JAZF1: variants seen among roughly 807,000 people sequenced by gnomAD.
JAZF1 encodes JAZF zinc finger 1, also known as juxtaposed with another zinc finger protein 1.
Under a neutral mutation model 26.4 loss-of-function variants are expected in JAZF1, and 8 were observed. That is an observed-to-expected ratio of 0.30 (90% confidence interval 0.18 to 0.55). The LOEUF (loss-of-function observed/expected upper bound fraction) is 0.55. JAZF1 is among the 20% of genes least tolerant of loss of function. JAZF1 has a pLI of 0.94. For synonymous variants in JAZF1, 126 were observed against 122.3 expected, an observed-to-expected ratio of 1.03 and a Z score of -0.20; for missense variants, 199 against 322.0, an observed-to-expected ratio of 0.62 and a Z score of 2.92.
rs1554328474 is a variant in JAZF1, at chr7:27,845,711, A to AAAAAAAAAAAAAAAAAG, written c.386-4845_386-4844insCTTTTTTTTTTTTTTTT. Among the ~76,000 whole-genome samples the AAAAAAAAAAAAAAAAAG allele has an allele frequency of 5.8e-5, 8 of 137,668 alleles. 1 individual carries two copies. Among genetic ancestry groups the AAAAAAAAAAAAAAAAAG allele is most frequent in the African/African-American group, 1.7e-4 (6 of 35,396 alleles). The allele number at this position is 137,668 out of a possible 152,430, so 90.3% of individuals were successfully genotyped here. A position where few individuals can be genotyped will look rare whatever the true frequency, so the allele number is the denominator to read the frequency against. ...GACTCTGCCTCAAAAAAAAAAAAAA[A>AAAAAAAAAAAAAAAAAG]AAAGAAAAGAAAAAGAAAAAGAAAT... On this transcript the variant is annotated intron_variant, in intron 3 of 4. Transcript: ENST00000283928.
At chr7:28,158,270 T>C (rs543819422) in intron 1 of JAZF1, among the ~76,000 whole-genome samples, 2 of 151,514 alleles carry the variant, frequency 1.3e-5, no homozygotes, top group Admixed American at 6.6e-5. Flanking sequence ...CCATGGTCCA[T>C]AGGGGACTGA....
intron 3 of JAZF1, chr7:27,841,903 T>C (rs1025521330): frequency 6.6e-6 from 1 of 152,186 alleles, no homozygotes; most frequent in South Asian, 2.1e-4. Flanking sequence ...ATAGGAATTA[T>C]AGCACAACAT....
At chr7:28,087,500 A>T (rs575448115) in intron 1 of JAZF1, among the ~76,000 whole-genome samples, 1 of 152,316 alleles carries the variant, frequency 6.6e-6, no homozygotes, top group African/African-American at 2.4e-5. Flanking sequence ...GATTTAAAAA[A>T]AAATAGAGTA....
chr7:27,935,351 A>T (rs971107221), intron 2 of JAZF1, among the ~76,000 whole-genome samples: 1 of 152,260 alleles, frequency 6.6e-6, no homozygotes, highest in African/African-American at 2.4e-5. Context: ...CCATATTCAT[A>T]CACAAGAACA....
chr7:28,077,100 C>T (rs980108774), intron 1 of JAZF1, among the ~76,000 whole-genome samples: 2 of 152,146 alleles, frequency 1.3e-5, no homozygotes, highest in African/African-American at 2.4e-5. Context: ...ACGACACTTA[C>T]ATTGGAATCT....
At chr7:27,993,431 G>C (rs887669054) in intron 1 of JAZF1, among the ~76,000 whole-genome samples, 4 of 152,174 alleles carry the variant, frequency 2.6e-5, no homozygotes, top group African/African-American at 9.7e-5. Flanking sequence ...TCTTCACGGG[G>C]AAACGCAGTT....
chr7:28,045,001 G>A (rs1417090601), intron 1 of JAZF1, among the ~76,000 whole-genome samples: 5 of 152,162 alleles, frequency 3.3e-5, no homozygotes, highest in Admixed American at 1.3e-4. Context: ...GACACCAGGG[G>A]TCACCATCCT....
In JAZF1 at chr7:28,019,487, T is replaced by C. The variant is rs182389485; in HGVS notation, c.116-27506A>G. ...ATTTATTGAAGGCAGATCCTACAAA[T>C]TGCTCATAGATGGGACAGAACTCAC... On this transcript the variant is annotated intron_variant, in intron 1 of 4. Transcript: ENST00000283928. Among the ~76,000 whole-genome samples, 4 of 152,192 alleles carry C rather than the reference T, an allele frequency of 2.6e-5. No individual in the cohort carries two copies. The East Asian group carries it at 5.8e-4, about 22-fold the overall frequency.
chr7:28,158,146 C>T (rs545929122), intron 1 of JAZF1, among the ~76,000 whole-genome samples: 139 of 136,554 alleles, frequency 1.0e-3, no homozygotes, highest in African/African-American at 3.4e-3. Context: ...TGAAAACACG[C>T]GCGCACACAC....
At chr7:28,079,272 T>C (rs1454877151) in intron 1 of JAZF1, among the ~76,000 whole-genome samples, 3 of 152,144 alleles carry the variant, frequency 2.0e-5, no homozygotes, top group African/African-American at 7.2e-5. Flanking sequence ...GGATTACAGG[T>C]GTGAGCCAAC....
chr7:27,978,110 C>T (rs1785506288), intron 2 of JAZF1, among the ~76,000 whole-genome samples: 1 of 152,200 alleles, frequency 6.6e-6, no homozygotes, highest in Admixed American at 6.5e-5. Flanking sequence ...TAGGCAGTAG[C>T]AGCTCCTTGT....
chr7:27,958,172 T>C (rs78558884), intron 2 of JAZF1, among the ~76,000 whole-genome samples: 6,708 of 152,312 alleles, frequency 0.044, 155 homozygotes, highest in South Asian at 0.074. Context: ...GTAAGAAACA[T>C]TGAATGGATC....
chr7:28,056,153 G>C (rs1225433974), intron 1 of JAZF1, among the ~76,000 whole-genome samples: 1 of 151,290 alleles, frequency 6.6e-6, no homozygotes, highest in Non-Finnish European at 1.5e-5. Flanking sequence ...CTGAAGAGTA[G>C]ATAATAATAA....
intron 2 of JAZF1, among the ~76,000 whole-genome samples, chr7:27,952,554 T>C (rs561914279): frequency 1.3e-5 from 2 of 152,348 alleles, no homozygotes; most frequent in Admixed American, 6.5e-5. Context: ...GAAATACAGA[T>C]CTGGCTACAA....
intron 3 of JAZF1, among the ~76,000 whole-genome samples, chr7:27,849,358 T>C (rs1783087889): frequency 6.6e-6 from 1 of 152,252 alleles, no homozygotes. Flanking sequence ...GGGCTGCCTT[T>C]GTAAGGCTCT....
chr7:27,963,226 T>C (rs1488507865), intron 2 of JAZF1, among the ~76,000 whole-genome samples: 1 of 152,234 alleles, frequency 6.6e-6, no homozygotes, highest in African/African-American at 2.4e-5. Context: ...TCTATTTAAG[T>C]CAAGGACAAT....
At chr7:28,123,610 C>T (rs1782639589) in intron 1 of JAZF1, among the ~76,000 whole-genome samples, 1 of 152,342 alleles carries the variant, frequency 6.6e-6, no homozygotes, top group South Asian at 2.1e-4. Flanking sequence ...TGTGTGCTGG[C>T]CACAAAGCCT....
chr7:28,112,184 C>G (rs1028064909), intron 1 of JAZF1, among the ~76,000 whole-genome samples: 1 of 152,174 alleles, frequency 6.6e-6, no homozygotes, highest in Admixed American at 6.5e-5. Context: ...AAAGAACTTT[C>G]TGAAGAAACC....
chr7:27,894,226 A>G (rs1784021702), intron 3 of JAZF1, among the ~76,000 whole-genome samples: 1 of 152,112 alleles, frequency 6.6e-6, no homozygotes, highest in African/African-American at 2.4e-5. Flanking sequence ...GAGGCATTCA[A>G]AATGCCATTT....
Sources: gnomAD v4.1 joint callset for allele counts (sites outside exome capture counted in the v4.1 genomes callset) on GRCh38, gnomAD v4.1.1 for gene constraint, MANE v1.5 for transcripts, NCBI Gene and HGNC (gene_info 2026-07-23, HGNC 2026-07-21) for gene names.